TMED5: variants seen among roughly 807,000 people sequenced by gnomAD.
TMED5 encodes transmembrane p24 trafficking protein 5.
TMED5 carries 27 observed loss-of-function variants against 23.0 expected under a neutral mutation model. That is an observed-to-expected ratio of 1.17 (90% CI 0.86 to 1.62). The LOEUF is 1.62. TMED5 is among the 40% of genes most tolerant of loss of function. TMED5 has a pLI of 0.00. For synonymous variants in TMED5, 97 were observed against 100.8 expected (o/e 0.96, Z 0.23); for missense variants, 248 against 273.7 (o/e 0.91, Z 0.66).
At chr1:93,156,034 AC>A in intron 3 of TMED5, 1 of 1,441,318 alleles carries the variant, frequency 6.9e-7, no homozygotes. Context: ...AAACAAACTT[AC>A]CAAGATGCAG....
At chr1:93,175,079 T>A (rs1290317306) in intron 1 of TMED5, among the ~76,000 whole-genome samples, 2 of 142,930 alleles carry the variant, frequency 1.4e-5, no homozygotes, top group African/African-American at 2.6e-5. Context: ...CAGACTCACA[T>A]AAAACCCAAA....
intron 1 of TMED5, among the ~76,000 whole-genome samples, chr1:93,178,661 T>C (rs182941292): frequency 2.0e-5 from 3 of 152,344 alleles, no homozygotes; most frequent in Admixed American, 2.0e-4. Context: ...TTTTGAACTT[T>C]ACTGGAAATC....
At chr1:93,165,726 T>A (rs764778163) in intron 1 of TMED5, among the ~76,000 whole-genome samples, 1 of 152,362 alleles carries the variant, frequency 6.6e-6, no homozygotes, top group African/African-American at 2.4e-5. Flanking sequence ...ACTCTTTTAG[T>A]TATTTTAAAA....
chr1:93,176,508 TAC>T (rs34446908), intron 1 of TMED5, among the ~76,000 whole-genome samples: 5 of 150,040 alleles, frequency 3.3e-5, no homozygotes, highest in Non-Finnish European at 7.4e-5. Context: ...GCACAGACTA[TAC>T]ACACACACAC....
chr1:93,180,403 C>G lies in TMED5; in HGVS notation c.-161G>C, dbSNP rs959225044. ...GCGAACACTCCCTCCGAAAGAGAAG[C>G]GCAGTTCTCCAAAGGGTAGGGACTC... On this transcript the variant is annotated 5_prime_UTR_variant, in exon 1 of 4. Coordinates refer to ENST00000370282, the MANE Select transcript of TMED5 (RefSeq NM_016040.5). The G allele has an allele frequency of 8.2e-7, 1 of 1,220,776 alleles. No homozygotes were observed. Among genetic ancestry groups the G allele is most frequent in the South Asian group, 1.4e-5 (1 of 70,462 alleles). The allele number at this position is 1,220,776 out of a possible 1,614,324, so 75.6% of individuals were successfully genotyped here.
rs1647877135 is a variant in TMED5 at position 93,151,651 on chromosome 1, T to C, written c.*3019A>G. ...TATTTTGAGCAAAAACTGTACCTTT[T>C]AGGAACAGTGCATGTTTAGGCAACA... On this transcript the variant is annotated 3_prime_UTR_variant, in exon 4 of 4. Transcript: ENST00000370282. 6.6e-6 allele frequency: 1 copy of C among 152,170 alleles called. No individual in the cohort carries two copies. Among genetic ancestry groups the C allele is most frequent in the Admixed American group, 6.5e-5 (1 of 15,276 alleles). The allele number at this position is 152,170 out of a possible 1,614,324, so 9.4% of individuals were successfully genotyped here. A position where few individuals can be genotyped will look rare whatever the true frequency, so the allele number is the denominator to read the frequency against.
intron 2 of TMED5, among the ~76,000 whole-genome samples, chr1:93,158,542 A>T (rs1049108722): frequency 2.0e-5 from 3 of 152,128 alleles, no homozygotes; most frequent in African/African-American, 7.2e-5. Context: ...AACATTTTTA[A>T]AATTCTGAAA....
rs528498295 is a variant in TMED5, at chr1:93,176,848, T to C, written c.189+3206A>G. On this transcript the variant is annotated intron_variant, in intron 1 of 3. Coordinates refer to ENST00000370282, the MANE Select transcript of TMED5 (RefSeq NM_016040.5). Reference sequence around the variant, plus strand: ...ACCTAGCTGATATTTTCACTCACCATTGTATCCCTAGCAACTTGGATAGTG... The same window carrying C: ...ACCTAGCTGATATTTTCACTCACCACTGTATCCCTAGCAACTTGGATAGTG... 6.6e-5 allele frequency among the ~76,000 whole-genome samples: 10 copies of C among 152,338 alleles called. No individual in the cohort carries two copies. In the South Asian group the frequency reaches 1.5e-3, roughly 22 times the overall value.
chr1:93,180,035 G>A lies in TMED5; in HGVS notation c.189+19C>T. On this transcript the variant is annotated intron_variant, in intron 1 of 3. Transcript: ENST00000370282. ...CAGCTGGGTTAAAGGAAGGAGGCTG[G>A]TTTATCCTCCGCACTTACTTGGTAC... 1.2e-6 allele frequency: 2 copies of A among 1,608,246 alleles called. No homozygotes were observed. Among genetic ancestry groups the A allele is most frequent in the Non-Finnish European group, 1.7e-6 (2 of 1,177,044 alleles).
intron 1 of TMED5, among the ~76,000 whole-genome samples, chr1:93,177,396 A>G (rs1374726925): frequency 6.6e-6 from 1 of 151,898 alleles, no homozygotes; most frequent in Non-Finnish European, 1.5e-5. Flanking sequence ...TGGCCAACAT[A>G]GTGAAACCCC....
At chr1:93,179,752 T>C (rs1649200120) in intron 1 of TMED5, among the ~76,000 whole-genome samples, 1 of 152,216 alleles carries the variant, frequency 6.6e-6, no homozygotes, top group Non-Finnish European at 1.5e-5. Context: ...AGAAAAGCAG[T>C]GGGCGAATTA....
chr1:93,177,977 A>G (rs997347336), intron 1 of TMED5, among the ~76,000 whole-genome samples: 5 of 152,218 alleles, frequency 3.3e-5, no homozygotes, highest in Non-Finnish European at 7.3e-5. Context: ...ATGTGTGTAA[A>G]TACTGAAGAT....
At chr1:93,179,244 C>G (rs1259403313) in intron 1 of TMED5, among the ~76,000 whole-genome samples, 2 of 152,024 alleles carry the variant, frequency 1.3e-5, no homozygotes, top group Non-Finnish European at 2.9e-5. Flanking sequence ...CGTCTGTAAT[C>G]TCAGCTACTC....
chr1:93,156,486 G>A lies in TMED5; in HGVS notation c.288-3C>T. ...AATCACCAACTTCAGTCTCTACACT[G>A]TATAAAAAAAAGTACATGTTTTAAG... On this transcript the variant is annotated splice_region_variant and splice_polypyrimidine_tract_variant and intron_variant, in intron 2 of 3. Coordinates refer to ENST00000370282, the MANE Select transcript of TMED5 (RefSeq NM_016040.5). 1.2e-6 allele frequency: 2 copies of A among 1,605,088 alleles called. No individual in the cohort carries two copies. The highest frequency in any genetic ancestry group is 1.7e-6 in the Non-Finnish European group (2 of 1,175,452).
Position 93,151,106 on chromosome 1 carries a change from A to G in TMED5, c.*3564T>C, listed in dbSNP as rs1387182324. 6.6e-6 allele frequency: 1 copy of G among 152,108 alleles called. No individual in the cohort carries two copies. Among genetic ancestry groups the G allele is most frequent in the Non-Finnish European group, 1.5e-5 (1 of 68,022 alleles). 9.4% of individuals were successfully genotyped at this position (152,108 alleles called of 1,614,324 possible). On this transcript the variant is annotated 3_prime_UTR_variant, in exon 4 of 4. Coordinates refer to ENST00000370282, the MANE Select transcript of TMED5 (RefSeq NM_016040.5). ...GTCCATCTCCATTGTGCCCTGTCTTATGTAACATCATCCTAGCTCTAGATT... is the reference window on the plus strand; with the variant it reads ...GTCCATCTCCATTGTGCCCTGTCTTGTGTAACATCATCCTAGCTCTAGATT...
chr1:93,168,142 G>A (rs915575154), intron 1 of TMED5, among the ~76,000 whole-genome samples: 3 of 152,058 alleles, frequency 2.0e-5, no homozygotes, highest in Non-Finnish European at 4.4e-5. Context: ...TAAAAAATAA[G>A]TATAATTGAT....
intron 1 of TMED5, chr1:93,161,974 G>C (rs1386314736): frequency 1.3e-5 from 2 of 151,680 alleles, no homozygotes; most frequent in Non-Finnish European, 2.9e-5. Flanking sequence ...TGTTTTCCCT[G>C]TAGATCTGTC....
intron 1 of TMED5, among the ~76,000 whole-genome samples, chr1:93,172,769 C>G (rs1290499819): frequency 6.6e-6 from 1 of 152,038 alleles, no homozygotes; most frequent in Non-Finnish European, 1.5e-5. Context: ...TCCAAAGGAA[C>G]TGAAATCAGT....
chr1:93,172,433 T>TA (rs896796700), intron 1 of TMED5, among the ~76,000 whole-genome samples: 3 of 151,014 alleles, frequency 2.0e-5, no homozygotes, highest in Non-Finnish European at 4.4e-5. Flanking sequence ...GAGTTGGGAA[T>TA]AAAAAATACA....
Sources: allele counts gnomAD v4.1 joint callset (sites outside exome capture counted in the v4.1 genomes callset), GRCh38; gene constraint gnomAD v4.1.1; transcripts MANE v1.5; gene names NCBI Gene and HGNC (gene_info 2026-07-23, HGNC 2026-07-21).